Variants in CDC20B observed in about 807,000 individuals in gnomAD.
The protein encoded by CDC20B is cell division cycle 20B.
CDC20B carries 58 observed loss-of-function variants against 64.1 expected under a neutral mutation model. That is an observed-to-expected ratio of 0.90 (90% CI 0.73 to 1.13). The LOEUF (loss-of-function observed/expected upper bound fraction) is 1.13. Ranked by LOEUF, CDC20B falls within the 50% of genes most tolerant of loss-of-function variation. CDC20B has a pLI of 0.00. For synonymous variants in CDC20B, 243 were observed against 230.6 expected, an observed-to-expected ratio of 1.05 and a Z score of -0.49; for missense variants, 597 against 633.0, an observed-to-expected ratio of 0.94 and a Z score of 0.61.
At chr5:55,170,590 G>A in intron 2 of CDC20B, 1 of 534,756 alleles carries the variant, frequency 1.9e-6, no homozygotes. Context: ...TATTCAACCA[G>A]CTAACAATAC....
intron 9 of CDC20B, among the ~76,000 whole-genome samples, chr5:55,122,570 T>A (rs1390258370): frequency 1.3e-5 from 2 of 152,236 alleles, no homozygotes; most frequent in African/African-American, 4.8e-5. Context: ...CCTCTACCTT[T>A]GAATGTGGGA....
In CDC20B at chr5:55,125,024, A is replaced by G. The variant is rs1742850076; in HGVS notation, c.994T>C (p.Ser332Pro). The G allele has an allele frequency of 6.2e-7, 1 of 1,608,014 alleles. No homozygotes were observed. The highest frequency in any genetic ancestry group is 1.3e-5 in the African/African-American group (1 of 74,836). The change falls in exon 9 of 12, where the codon TCA (serine) becomes CCA (proline). Residue 332 changes from serine (S) to proline (P), a missense_variant. By Grantham distance (74) the Ser-to-Pro change is moderately conservative. Transcript: ENST00000381375. ...SWNHFILSSG[S>P]RLGRVYHHDV... Reference sequence around the variant, plus strand: ...TGATGATAAACACGCCCCAGTCTTGACCCACTGCGAGTTTACATAACAAAA... The same window carrying G: ...TGATGATAAACACGCCCCAGTCTTGGCCCACTGCGAGTTTACATAACAAAA...
At chr5:55,144,364 G>A (rs1414919625) in intron 3 of CDC20B, among the ~76,000 whole-genome samples, 1 of 152,150 alleles carries the variant, frequency 6.6e-6, no homozygotes, top group African/African-American at 2.4e-5. Context: ...CTGGAAACCT[G>A]TCAAGTCATT....
At chr5:55,140,536 C>T (rs556065050) in intron 4 of CDC20B, 129 bp from the exon 5 acceptor site, 21 of 569,534 alleles carry the variant, frequency 3.7e-5, no homozygotes, top group African/African-American at 3.7e-4. Flanking sequence ...TTGTCAAAGC[C>T]AACACCACAA....
Position 55,146,709 on chromosome 5 carries a change from C to T in CDC20B, c.274G>A (p.Glu92Lys), listed in dbSNP as rs368669273. The change falls in exon 3 of 12, where the codon GAA becomes AAA. Residue 92 changes from glutamate (E) to lysine (K), a missense_variant. Physicochemically the swap from Glu to Lys is moderately conservative, Grantham distance 56. Around this residue, in one of 3 missense-constraint regions of CDC20B, gnomAD observed 241 missense variants for 219.2 expected, o/e 1.10. Transcript: ENST00000381375. Reference protein sequence around the residue: ...TRALSSDSFGEEQSTTYLPEA... With the variant: ...TRALSSDSFGKEQSTTYLPEA... ...GGGAGGTAGGTGGTTGACTGCTCTT[C>T]CCCAAAGGAATCAGAGGACAGAGCC... 6.2e-7 allele frequency: 1 copy of T among 1,614,032 alleles called. No homozygotes were observed. Among genetic ancestry groups the T allele is most frequent in the Non-Finnish European group, 8.5e-7 (1 of 1,180,036 alleles).
intron 5 of CDC20B, chr5:55,137,370 G>A (rs1412408496): frequency 2.9e-6 from 1 of 344,572 alleles, no homozygotes; most frequent in African/African-American, 2.1e-5. Flanking sequence ...AGTTTACAGG[G>A]GCTGCCTGCT....
At chr5:55,161,313 A>G in intron 2 of CDC20B, 1 of 1,464,122 alleles carries the variant, frequency 6.8e-7, no homozygotes, top group African/African-American at 1.4e-5. Context: ...AAACAATTAT[A>G]CCAGGACAAT....
chr5:55,123,159 A>C (rs1742797924), intron 9 of CDC20B, among the ~76,000 whole-genome samples: 3 of 152,192 alleles, frequency 2.0e-5, no homozygotes, highest in Admixed American at 2.0e-4. Flanking sequence ...TGTACGGTTT[A>C]ATAAATCTGG....
Position 55,120,481 on chromosome 5 carries a change from G to A in CDC20B, c.1285C>T (p.His429Tyr), listed in dbSNP as rs374125586. Residue 429 changes from histidine (H) to tyrosine (Y), a missense_variant, in exon 10 of 12, where the codon CAC becomes TAC. Transcript: ENST00000381375. ...TTCCCAGCATTTATATCCAAGATGTGTAAGCGTCCATCCTTCATTCCTCCT... is the reference window on the plus strand; with the variant it reads ...TTCCCAGCATTTATATCCAAGATGTATAAGCGTCCATCCTTCATTCCTCCT... Reference protein sequence around the residue: ...IGGGMKDGRLHILDINAGKSI... With the variant: ...IGGGMKDGRLYILDINAGKSI... 6.2e-7 allele frequency: 1 copy of A among 1,613,836 alleles called. No homozygotes were observed. The highest frequency in any genetic ancestry group is 2.2e-5 in the East Asian group (1 of 44,858).
At chr5:55,119,705 A>T in intron 11 of CDC20B, 96 bp downstream of exon 11, 1 of 769,270 alleles carries the variant, frequency 1.3e-6, no homozygotes. Flanking sequence ...TACTTAGAAA[A>T]ACCAGAAGGA....
At position 55,133,537 on chromosome 5, in the gene CDC20B, A is replaced by T. The variant is rs372002291; in HGVS notation, c.581-9T>A. On this transcript the variant is annotated splice_polypyrimidine_tract_variant and intron_variant, in intron 5 of 11. Coordinates refer to ENST00000381375, the MANE Select transcript of CDC20B (RefSeq NM_001170402.1). ...GACTCCATCTTTGCAGCCTACAAGA[A>T]ACAAACACTTCTACACAGCTCTAAG... 3.7e-5 allele frequency: 49 copies of T among 1,318,494 alleles called. No individual in the cohort carries two copies. Among genetic ancestry groups the T allele is most frequent in the Admixed American group, 1.3e-4 (7 of 55,688 alleles). The allele number at this position is 1,318,494 out of a possible 1,614,324, so 81.7% of individuals were successfully genotyped here.
chr5:55,127,236 C>T (rs1742915117), intron 8 of CDC20B, 21 bp downstream of exon 8: 2 of 1,596,212 alleles, frequency 1.3e-6, no homozygotes, highest in African/African-American at 1.3e-5. Flanking sequence ...ACATAACTGT[C>T]TCCAACAAGA....
intron 2 of CDC20B, among the ~76,000 whole-genome samples, chr5:55,152,150 T>C (rs1322273011): frequency 2.0e-5 from 3 of 152,222 alleles, no homozygotes; most frequent in Non-Finnish European, 2.9e-5. Flanking sequence ...AGGCAAGGAA[T>C]GGATTCTCCA....
At chr5:55,156,033 G>C (rs905746042) in intron 2 of CDC20B, among the ~76,000 whole-genome samples, 1 of 152,216 alleles carries the variant, frequency 6.6e-6, no homozygotes, top group Admixed American at 6.5e-5. Context: ...AAAGGAAAGA[G>C]ATTTAATGGA....
intron 9 of CDC20B, 89 bp from the exon 10 acceptor site, chr5:55,120,639 C>A: frequency 6.7e-7 from 1 of 1,503,510 alleles, no homozygotes; most frequent in Non-Finnish European, 9.1e-7. Context: ...CAGCAAGTCC[C>A]CACGTCTGCA....
chr5:55,149,024 T>C (rs1743583883), intron 2 of CDC20B, among the ~76,000 whole-genome samples: 2 of 152,198 alleles, frequency 1.3e-5, no homozygotes, highest in South Asian at 4.1e-4. Context: ...TGTTTGTAAG[T>C]ACAAAAAGAT....
intron 5 of CDC20B, chr5:55,136,771 C>T (rs919007803): frequency 6.6e-6 from 1 of 152,124 alleles, no homozygotes; most frequent in Admixed American, 6.5e-5. Context: ...AGAGGATTCT[C>T]ACACAGAATT....
chr5:55,160,414 A>G (rs755405005), intron 2 of CDC20B: 1 of 1,583,118 alleles, frequency 6.3e-7, no homozygotes, highest in South Asian at 1.1e-5. Flanking sequence ...GCATCATCTG[A>G]TTTTTATTGT....
At chr5:55,159,959 G>A (rs1743945192) in intron 2 of CDC20B, among the ~76,000 whole-genome samples, 1 of 152,162 alleles carries the variant, frequency 6.6e-6, no homozygotes, top group Non-Finnish European at 1.5e-5. Context: ...AAAATGTCCT[G>A]ATTTTTCTAG....
Sources: gnomAD v4.1 joint callset for allele counts (sites outside exome capture counted in the v4.1 genomes callset) on GRCh38, gnomAD v4.1.1 for gene constraint, gnomAD v4.1.1 regional missense constraint, MANE v1.5 for transcripts, NCBI Gene and HGNC (gene_info 2026-07-23, HGNC 2026-07-21) for gene names.